SULT1C2: variants seen among roughly 807,000 people sequenced by gnomAD.
The protein encoded by SULT1C2 is sulfotransferase 1C2.
SULT1C2 carries 27 observed loss-of-function variants against 36.0 expected under a neutral mutation model. The ratio of observed to expected loss-of-function variants is 0.75; its 90% CI spans 0.55 to 1.03. The LOEUF (loss-of-function observed/expected upper bound fraction) is 1.03, where lower values mean the gene tolerates loss of function less well. Among genes scored for constraint, SULT1C2 ranks in the 50% least tolerant of loss-of-function variants. The pLI, the probability that SULT1C2 is intolerant of heterozygous loss-of-function variation, is 0.00. For synonymous variants in SULT1C2, 121 were observed against 116.0 expected (o/e 1.04, Z -0.27); for missense variants, 395 against 359.2 (o/e 1.10, Z -0.80).
At chr2:108,294,122 G>T in intron 2 of SULT1C2, 107 bp from the exon 3 acceptor site, 3 of 1,529,330 alleles carry the variant, frequency 2.0e-6, no homozygotes, top group South Asian at 2.6e-5. Flanking sequence ...CCCAAGGGGA[G>T]GGTGATGCAA....
intron 3 of SULT1C2, among the ~76,000 whole-genome samples, chr2:108,296,608 C>G (rs963574436): frequency 5.3e-5 from 8 of 152,172 alleles, no homozygotes; most frequent in African/African-American, 1.4e-4. Flanking sequence ...CCTGCCAGCA[C>G]GCCCAGCAAA....
At chr2:108,302,133 G>C (rs1676893293) in intron 4 of SULT1C2, 1 of 152,158 alleles carries the variant, frequency 6.6e-6, no homozygotes, top group Non-Finnish European at 1.5e-5. Context: ...AAACTGCAGA[G>C]GAAACTGAAA....
intron 4 of SULT1C2, chr2:108,301,773 T>C (rs1456889568): frequency 6.6e-6 from 1 of 152,206 alleles, no homozygotes; most frequent in Non-Finnish European, 1.5e-5. Flanking sequence ...GCTGAGTAAA[T>C]ACGGAAGTGG....
At chr2:108,290,744 T>C (rs1026381082) in intron 1 of SULT1C2, among the ~76,000 whole-genome samples, 29 of 152,296 alleles carry the variant, frequency 1.9e-4, no homozygotes, top group Non-Finnish European at 2.8e-4. Context: ...CAAACACCTC[T>C]CACAAGACCC....
chr2:108,302,949 G>A (rs577862922), intron 4 of SULT1C2: 2 of 152,266 alleles, frequency 1.3e-5, no homozygotes, highest in South Asian at 4.1e-4. Context: ...GGAGCTAAGA[G>A]CCAAGAGATG....
At chr2:108,304,460 C>A in intron 4 of SULT1C2, 114 bp from the exon 5 acceptor site, 1 of 1,270,536 alleles carries the variant, frequency 7.9e-7, no homozygotes, top group South Asian at 1.6e-5. Flanking sequence ...AGGGCCAGCA[C>A]TGCAGAACTG....
intron 4 of SULT1C2, chr2:108,302,488 C>T (rs1314817530): frequency 6.6e-6 from 1 of 152,184 alleles, no homozygotes; most frequent in East Asian, 1.9e-4. Context: ...CAAGGTGGTC[C>T]CCACAGCCAG....
At chr2:108,307,005 C>T (rs976726097) in intron 7 of SULT1C2, among the ~76,000 whole-genome samples, 17 of 152,084 alleles carry the variant, frequency 1.1e-4, no homozygotes, top group African/African-American at 4.1e-4. Flanking sequence ...GTATGGAAGT[C>T]CCTTTCTCTC....
intron 4 of SULT1C2, chr2:108,304,372 G>T (rs1412623136): frequency 8.5e-6 from 4 of 472,632 alleles, no homozygotes; most frequent in Middle Eastern, 1.1e-3. Flanking sequence ...TAATTAAAAG[G>T]ACTGAGTTTG....
rs1558681549 is a variant in SULT1C2, at chr2:108,305,443, T to C, written c.626T>C (p.Met209Thr). 6.2e-7 allele frequency: 1 copy of C among 1,614,166 alleles called. No homozygotes were observed. The highest frequency in any genetic ancestry group is 1.3e-5 in the African/African-American group (1 of 75,044). Reference sequence around the variant, plus strand: ...CCAAAGCATGAAATTCGGAAGGTGATGCAGTTCATGGGAAAGAAGGTGGAT... The same window carrying C: ...CCAAAGCATGAAATTCGGAAGGTGACGCAGTTCATGGGAAAGAAGGTGGAT... The part of the protein sequence containing the change: ...RDPKHEIRKV[M>T]QFMGKKVDET... The change falls in exon 7 of 8, where the codon ATG becomes ACG. Residue 209 changes from methionine to threonine, a missense_variant. Transcript: ENST00000251481.
At chr2:108,302,873 A>T (rs1676918406) in intron 4 of SULT1C2, 1 of 152,220 alleles carries the variant, frequency 6.6e-6, no homozygotes, top group Non-Finnish European at 1.5e-5. Flanking sequence ...CTGCATAGAG[A>T]ATTAGTGAAC....
chr2:108,289,556 T>A (rs1010345136), intron 1 of SULT1C2, among the ~76,000 whole-genome samples: 1 of 152,144 alleles, frequency 6.6e-6, no homozygotes, highest in South Asian at 2.1e-4. Flanking sequence ...CAAAATACTA[T>A]AGGATCCCAT....
intron 3 of SULT1C2, chr2:108,300,044 T>A (rs962006318): frequency 6.6e-6 from 1 of 152,300 alleles, no homozygotes; most frequent in South Asian, 2.1e-4. Flanking sequence ...AACCTCAGCT[T>A]AACACGATGA....
chr2:108,309,049 T>C lies in SULT1C2; in HGVS notation c.*585T>C, dbSNP rs1287104601. On this transcript the variant is annotated 3_prime_UTR_variant, in exon 8 of 8. Coordinates refer to ENST00000251481, the MANE Select transcript of SULT1C2 (RefSeq NM_001056.4). Reference sequence around the variant, plus strand: ...TGTCAGAAGACCAAAACTTGGTGAATAGTCCCAGTGCTAGGTCATATAGGA... The same window carrying C: ...TGTCAGAAGACCAAAACTTGGTGAACAGTCCCAGTGCTAGGTCATATAGGA... 4 of 152,304 alleles carry C rather than the reference T, an allele frequency of 2.6e-5. No homozygotes were observed. In the East Asian group the frequency reaches 7.7e-4, roughly 29 times the overall value. 9.4% of individuals were successfully genotyped at this position (152,304 alleles called of 1,614,324 possible).
intron 1 of SULT1C2, among the ~76,000 whole-genome samples, chr2:108,293,205 G>GAAAAAAAAAAAAAAAAAAAAAAAAAAAAA (rs1676637540): frequency 7.3e-6 from 1 of 137,376 alleles, no homozygotes; most frequent in Non-Finnish European, 1.5e-5. Context: ...AAAAAAAAAG[G>GAAAAAAAAAAAAAAAAAAAAAAAAAAAAA]AAAGGTGTAT....
intron 3 of SULT1C2, chr2:108,300,477 A>G: frequency 2.9e-6 from 1 of 349,266 alleles, no homozygotes; most frequent in East Asian, 4.5e-5. Context: ...GGTACATGAG[A>G]CAGCCTGCTG....
At chr2:108,304,310 A>G in intron 4 of SULT1C2, 1 of 304,434 alleles carries the variant, frequency 3.3e-6, no homozygotes. Flanking sequence ...TGCTCCTGAT[A>G]CCAAAGGGGC....
Position 108,295,242 on chromosome 2 carries a change from T to G in SULT1C2, c.277+888T>G, listed in dbSNP as rs1676695610. 2.0e-5 allele frequency among the ~76,000 whole-genome samples: 3 copies of G among 152,222 alleles called. No homozygotes were observed. The South Asian group carries it at 6.2e-4, about 32-fold the overall frequency. ...TAAAGGATTTTGCTTTCCCCTATGA[T>G]CCTACCATCCAGCCCCTCTGGCTCC... On this transcript the variant is annotated intron_variant, in intron 3 of 7. Transcript: ENST00000251481.
chr2:108,304,344 A>G (rs1676965392), intron 4 of SULT1C2: 2 of 408,428 alleles, frequency 4.9e-6, no homozygotes, highest in South Asian at 5.8e-5. Context: ...AATCCTCACC[A>G]ATCCCTAATT....
Sources: allele counts gnomAD v4.1 joint callset (sites outside exome capture counted in the v4.1 genomes callset), GRCh38; gene constraint gnomAD v4.1.1; transcripts MANE v1.5; gene names NCBI Gene and HGNC (gene_info 2026-07-23, HGNC 2026-07-21).